CRHR1: variants seen among roughly 807,000 people sequenced by gnomAD.
CRHR1 encodes corticotropin releasing hormone receptor 1, also known as corticotropin-releasing hormone receptor 1.
A neutral mutation model predicts 56.0 loss-of-function variants in CRHR1; 28 were observed. That is an observed-to-expected ratio of 0.50 (90% CI 0.37 to 0.69). The LOEUF (loss-of-function observed/expected upper bound fraction) is 0.69, where lower values mean the gene tolerates loss of function less well. Ranked by LOEUF, CRHR1 falls within the 30% of genes least tolerant of loss-of-function variation. The pLI is 0.00. For missense variants in CRHR1, 376 were observed against 548.0 expected (o/e 0.69, Z 3.13); for synonymous variants, 195 against 216.5 (o/e 0.90, Z 0.87).
chr17:45,819,065 G>A (rs1436306642), intron 3 of CRHR1, among the ~76,000 whole-genome samples: 1 of 152,160 alleles, frequency 6.6e-6, no homozygotes, highest in African/African-American at 2.4e-5. Flanking sequence ...AGGGGGGCAA[G>A]GGTGTTGAGC....
At chr17:45,805,219 G>C (rs562143302) in intron 1 of CRHR1, among the ~76,000 whole-genome samples, 1 of 151,980 alleles carries the variant, frequency 6.6e-6, no homozygotes, top group African/African-American at 2.4e-5. Context: ...TTGATATTTT[G>C]CTCATCATGG....
Position 45,784,377 on chromosome 17 carries a change from GC to G in CRHR1, c.-166del, listed in dbSNP as rs2061288379. On this transcript the variant is annotated 5_prime_UTR_variant, in exon 1 of 13. Coordinates refer to ENST00000314537, the MANE Select transcript of CRHR1 (RefSeq NM_004382.5). This position sits in a 1 kb window ranked among gnomAD's most constrained non-coding sequence, Gnocchi z 4.2. ...GCGAGCGAGAGCCGGGCCGGGCCGG[GC>G]CGGGCCGCGGGGCCGGGAAGCGCCG... 4.8e-6 allele frequency: 2 copies of G among 418,768 alleles called. No individual in the cohort carries two copies. The highest frequency in any genetic ancestry group is 4.2e-5 in the African/African-American group (2 of 47,574). The allele number at this position is 418,768 out of a possible 1,614,324, so 25.9% of individuals were successfully genotyped here. A position where few individuals can be genotyped will look rare whatever the true frequency, so the allele number is the denominator to read the frequency against.
intron 1 of CRHR1, among the ~76,000 whole-genome samples, chr17:45,790,158 A>G (rs957251153): frequency 6.6e-6 from 1 of 152,232 alleles, no homozygotes; most frequent in East Asian, 1.9e-4. Context: ...CTGAGCTTGA[A>G]GGTCATAGAC....
Position 45,807,640 on chromosome 17 carries a change from C to T in CRHR1, c.121+543C>T, listed in dbSNP as rs571688453. On this transcript the variant is annotated intron_variant, in intron 2 of 12. Coordinates refer to ENST00000314537, the MANE Select transcript of CRHR1 (RefSeq NM_004382.5). The stretch of plus-strand genomic sequence containing the variant: ...AACTGAGGCACAGAGAACTAGTAAG[C>T]GCCAGAGCCCTGAGTGGAGCACGGG... Among the ~76,000 whole-genome samples the T allele has an allele frequency of 8.5e-5, 13 of 152,332 alleles. No individual in the cohort carries two copies. In the South Asian group the frequency reaches 1.4e-3, roughly 17 times the overall value.
At chr17:45,810,909 C>A (rs1427804734) in intron 2 of CRHR1, among the ~76,000 whole-genome samples, 1 of 152,272 alleles carries the variant, frequency 6.6e-6, no homozygotes, top group Non-Finnish European at 1.5e-5. Context: ...ATTCATCCCA[C>A]AGCACATTCC....
At position 45,833,223 on chromosome 17, in the gene CRHR1, G is replaced by A; in HGVS notation, c.843+13G>A. 1.2e-6 allele frequency: 2 copies of A among 1,613,414 alleles called. No individual in the cohort carries two copies. Among genetic ancestry groups the A allele is most frequent in the South Asian group, 2.2e-5 (2 of 91,066 alleles). On this transcript the variant is annotated intron_variant, in intron 9 of 12. Transcript: ENST00000314537. ...CCTGGTCCTGCTGGTAAGAACCTGG[G>A]TAGGGGCAGGAGACAGGGCCCAGTG...
At position 45,834,753 on chromosome 17, in the gene CRHR1, A is replaced by C. The variant is rs1300757305; in HGVS notation, c.1237A>C (p.Thr413Pro). The C allele has an allele frequency of 6.2e-7, 1 of 1,613,710 alleles. No homozygotes were observed. The highest frequency in any genetic ancestry group is 1.7e-5 in the Admixed American group (1 of 60,016). ...RVSFHSIKQS[T>P]AV ...CAGCTTTCACAGCATCAAGCAGTCC[A>C]CAGCAGTCTGAGCTGGCAGGTCATG... The change falls in exon 13 of 13, where the codon ACA becomes CCA. Residue 413 changes from threonine (T) to proline (P), a missense_variant. Physicochemically the swap from Thr to Pro is conservative, Grantham distance 38. Transcript: ENST00000314537.
chr17:45,797,985 A>G (rs1014141203), intron 1 of CRHR1, among the ~76,000 whole-genome samples: 1 of 152,044 alleles, frequency 6.6e-6, no homozygotes, highest in Non-Finnish European at 1.5e-5. Flanking sequence ...TCTGGAGTCC[A>G]AGGTGCGGGG....
chr17:45,806,361 C>T (rs2061718678), intron 1 of CRHR1, among the ~76,000 whole-genome samples: 1 of 152,234 alleles, frequency 6.6e-6, no homozygotes, highest in Admixed American at 6.5e-5. Context: ...CCTTACCTCT[C>T]TGTGCCTCAG....
chr17:45,823,509 G>A (rs1598436309), intron 4 of CRHR1, among the ~76,000 whole-genome samples: 1 of 147,670 alleles, frequency 6.8e-6, no homozygotes, highest in Non-Finnish European at 1.5e-5. Flanking sequence ...CCTGGTTCAA[G>A]TGATTCTCCT....
chr17:45,794,074 C>T (rs928841720), intron 1 of CRHR1, among the ~76,000 whole-genome samples: 8 of 152,188 alleles, frequency 5.3e-5, no homozygotes, highest in African/African-American at 1.9e-4. Context: ...GTCCTCCAGC[C>T]AAAGCAGGGC....
At chr17:45,798,051 A>T (rs34174655) in intron 1 of CRHR1, among the ~76,000 whole-genome samples, 13,296 of 152,124 alleles carry the variant, frequency 0.087, 631 homozygotes, top group African/African-American at 0.11. Context: ...AGGAATAGAG[A>T]GGAAAATGAG....
chr17:45,818,556 C>T (rs1256037158), intron 3 of CRHR1, among the ~76,000 whole-genome samples: 1 of 152,168 alleles, frequency 6.6e-6, no homozygotes, highest in Non-Finnish European at 1.5e-5. Flanking sequence ...GTGGTGCTCT[C>T]TAGGCTCCCC....
chr17:45,784,617 C>G lies in CRHR1; in HGVS notation c.33+40C>G. 6.5e-7 allele frequency: 1 copy of G among 1,529,930 alleles called. No individual in the cohort carries two copies. The highest frequency in any genetic ancestry group is 1.4e-5 in the African/African-American group (1 of 71,288). 94.8% of individuals were successfully genotyped at this position (1,529,930 alleles called of 1,614,324 possible). ...GCCATCCCTCGAGCGCTGGCGCCCCCGGCCCCTGGCGGACGCGGGACGGGG... is the reference window on the plus strand; with the variant it reads ...GCCATCCCTCGAGCGCTGGCGCCCCGGGCCCCTGGCGGACGCGGGACGGGG... On this transcript the variant is annotated intron_variant, in intron 1 of 12. Transcript: ENST00000314537. The surrounding 1 kb of genome is among the most constrained non-coding windows in gnomAD (Gnocchi z 4.2).
At chr17:45,833,693 T>TGGGGGGCCCCCCCC in intron 10 of CRHR1, 21 bp from the exon 11 acceptor site, 15 of 1,571,518 alleles carry the variant, frequency 9.5e-6, no homozygotes, top group African/African-American at 1.4e-5. Context: ...ACTCCGAGCC[T>TGGGGGGCCCCCCCC]CCCCACCCGC....
At chr17:45,817,962 G>T (rs372499251) in intron 3 of CRHR1, among the ~76,000 whole-genome samples, 1 of 152,202 alleles carries the variant, frequency 6.6e-6, no homozygotes, top group Admixed American at 6.5e-5. Context: ...CCTATCGGAG[G>T]TCGCAGAGCC....
At chr17:45,811,044 C>T (rs2061813584) in intron 2 of CRHR1, among the ~76,000 whole-genome samples, 2 of 152,250 alleles carry the variant, frequency 1.3e-5, no homozygotes, top group South Asian at 4.1e-4. Context: ...GGCTTCCCAG[C>T]CTCAGGGCTG....
In CRHR1 at chr17:45,816,456, C is replaced by T. The variant is rs751574843; in HGVS notation, c.122-7C>T. 3.1e-6 allele frequency: 5 copies of T among 1,613,682 alleles called. No individual in the cohort carries two copies. The highest frequency in any genetic ancestry group is 4.5e-5 in the East Asian group (2 of 44,862). Reference sequence around the variant, plus strand: ...TGCTGTGCCTTACCAGCCGTCTCTGCCCCCAGGACTGCAGTGCAACGCATC... The same window carrying T: ...TGCTGTGCCTTACCAGCCGTCTCTGTCCCCAGGACTGCAGTGCAACGCATC... On this transcript the variant is annotated splice_polypyrimidine_tract_variant and splice_region_variant and intron_variant, in intron 2 of 12. Coordinates refer to ENST00000314537, the MANE Select transcript of CRHR1 (RefSeq NM_004382.5).
chr17:45,812,257 G>C (rs2061838051), intron 2 of CRHR1, among the ~76,000 whole-genome samples: 1 of 152,306 alleles, frequency 6.6e-6, no homozygotes, highest in Non-Finnish European at 1.5e-5. Flanking sequence ...AAAACCTATG[G>C]ATATGGAGAA....
Sources: allele counts gnomAD v4.1 joint callset (sites outside exome capture counted in the v4.1 genomes callset), GRCh38; gene constraint gnomAD v4.1.1; non-coding constraint Gnocchi (gnomAD v3.1); transcripts MANE v1.5; gene names NCBI Gene and HGNC (gene_info 2026-07-23, HGNC 2026-07-21).